IQGAP2: variants seen among roughly 807,000 people sequenced by gnomAD.
The protein encoded by IQGAP2 is ras GTPase-activating-like protein IQGAP2.
Under a neutral mutation model 201.3 loss-of-function variants are expected in IQGAP2, and 173 were observed. That is an observed-to-expected ratio of 0.86 (90% CI 0.76 to 0.98). The LOEUF (loss-of-function observed/expected upper bound fraction) is 0.98, where lower values mean the gene tolerates loss of function less well. Among genes scored for constraint, IQGAP2 ranks in the 50% least tolerant of loss-of-function variants. The probability of loss-of-function intolerance (pLI) is 0.00; values close to 1 mark genes in which losing one functional copy is unlikely to be tolerated. For synonymous variants in IQGAP2, 675 were observed against 673.9 expected, an observed-to-expected ratio of 1.00 and a Z score of -0.03; for missense variants, 1,687 against 1,864.8, an observed-to-expected ratio of 0.90 and a Z score of 1.76.
At chr5:76,499,062 A>T (rs993233848) in intron 2 of IQGAP2, among the ~76,000 whole-genome samples, 10 of 152,226 alleles carry the variant, frequency 6.6e-5, no homozygotes, top group African/African-American at 2.2e-4. Context: ...GGGATGTGTG[A>T]TGGGCTTCCA....
chr5:76,677,151 C>G, intron 27 of IQGAP2, 67 bp from the exon 28 acceptor site: 1 of 1,449,886 alleles, frequency 6.9e-7, no homozygotes. Flanking sequence ...AATTTCCTAG[C>G]TATTTTGATG....
At chr5:76,470,247 A>G (rs1755030942) in intron 2 of IQGAP2, among the ~76,000 whole-genome samples, 1 of 152,218 alleles carries the variant, frequency 6.6e-6, no homozygotes, top group South Asian at 2.1e-4. Context: ...GATGGAAGCT[A>G]GTCTTTTTGT....
chr5:76,482,647 A>C (rs941037448), intron 2 of IQGAP2, among the ~76,000 whole-genome samples: 1 of 152,222 alleles, frequency 6.6e-6, no homozygotes, highest in African/African-American at 2.4e-5. Flanking sequence ...ACACTGTCCA[A>C]ATTTTATCCA....
chr5:76,590,395 CTTTACTT>C lies in IQGAP2; in HGVS notation c.641-8_641-2del. ...GATAAAAACCTTTTTCTCTCTCTCT[CTTTACTT>C]TTTAGTACATGCTGCAGTTATAGCC... On this transcript the variant is annotated splice_region_variant and splice_polypyrimidine_tract_variant and intron_variant, in intron 7 of 35. Coordinates refer to ENST00000274364, the MANE Select transcript of IQGAP2 (RefSeq NM_006633.5). 1.3e-6 allele frequency: 2 copies of C among 1,575,182 alleles called. No individual in the cohort carries two copies. The highest frequency in any genetic ancestry group is 1.7e-6 in the Non-Finnish European group (2 of 1,160,252).
chr5:76,664,927 C>A (rs377569972), intron 21 of IQGAP2, 99 bp from the exon 22 acceptor site: 17 of 693,900 alleles, frequency 2.4e-5, no homozygotes, highest in East Asian at 1.1e-4. Flanking sequence ...ATGAGGTATG[C>A]CTGTATTTCC....
chr5:76,698,223 T>C (rs1746934876), intron 33 of IQGAP2, 76 bp downstream of exon 33: 10 of 1,173,898 alleles, frequency 8.5e-6, no homozygotes, highest in Non-Finnish European at 1.1e-5. Flanking sequence ...TTCTAGGCAG[T>C]TGGGTTGGGT....
At chr5:76,653,908 A>C (rs1041739258) in intron 18 of IQGAP2, among the ~76,000 whole-genome samples, 6 of 152,202 alleles carry the variant, frequency 3.9e-5, no homozygotes, top group African/African-American at 1.4e-4. Flanking sequence ...GCTTTTATTT[A>C]CTGAGTTTAA....
chr5:76,667,290 C>T (rs934682095), intron 22 of IQGAP2, among the ~76,000 whole-genome samples: 3 of 152,116 alleles, frequency 2.0e-5, no homozygotes, highest in Admixed American at 2.0e-4. Flanking sequence ...AAAATTTCAA[C>T]CAATCATTAT....
At chr5:76,578,359 C>T (rs1054348470) in intron 5 of IQGAP2, among the ~76,000 whole-genome samples, 1 of 151,950 alleles carries the variant, frequency 6.6e-6, no homozygotes, top group South Asian at 2.1e-4. Flanking sequence ...TGTCACCAGG[C>T]TAGAGTGCAG....
chr5:76,618,241 C>T (rs1357330333), intron 13 of IQGAP2: 1 of 1,614,140 alleles, frequency 6.2e-7, no homozygotes, highest in Admixed American at 1.7e-5. Context: ...CAGTTGTTCC[C>T]ATTGAGATGA....
In IQGAP2 at chr5:76,575,743, A is replaced by C. The variant is rs1278987496; in HGVS notation, c.432A>C (p.Arg144Ser). 3.1e-6 allele frequency: 5 copies of C among 1,592,558 alleles called. No individual in the cohort carries two copies. The highest frequency in any genetic ancestry group is 4.3e-6 in the Non-Finnish European group (5 of 1,167,312). Residue 144 changes from arginine (R) to serine (S), a missense_variant, in exon 5 of 36, where the codon AGA (arginine) becomes AGC (serine). Arg to Ser is a moderately radical substitution (Grantham distance 110). Transcript: ENST00000274364. The stretch of plus-strand genomic sequence containing the variant: ...TCTATGATCGGAAAAACATACCAAG[A>C]ATGATATATTGCATTCACGCACTGA... ...TDVYDRKNIP[R>S]MIYCIHALSL...
At chr5:76,547,635 A>G (rs1262989783) in intron 2 of IQGAP2, among the ~76,000 whole-genome samples, 1 of 152,238 alleles carries the variant, frequency 6.6e-6, no homozygotes, top group East Asian at 1.9e-4. Flanking sequence ...ACCAAAATGT[A>G]TGCGTAAGCC....
Position 76,643,437 on chromosome 5 carries a change from G to T in IQGAP2, c.2094+2334G>T, listed in dbSNP as rs577221158. 9.8e-5 allele frequency among the ~76,000 whole-genome samples: 15 copies of T among 152,288 alleles called. No homozygotes were observed. In the South Asian group the frequency reaches 1.9e-3, roughly 19 times the overall value. ...AATATAATGCCCATTTTATTGCAGG[G>T]TGGTGAAGACTGACTGGAATAATTC... On this transcript the variant is annotated intron_variant, in intron 17 of 35. Coordinates refer to ENST00000274364, the MANE Select transcript of IQGAP2 (RefSeq NM_006633.5).
intron 2 of IQGAP2, among the ~76,000 whole-genome samples, chr5:76,522,308 G>A (rs1186561519): frequency 1.3e-5 from 2 of 151,800 alleles, no homozygotes; most frequent in Non-Finnish European, 2.9e-5. Context: ...TCAGCCTCCT[G>A]AGTAGCTGGG....
At chr5:76,510,602 A>G (rs1757903617) in intron 2 of IQGAP2, 1 of 504,174 alleles carries the variant, frequency 2.0e-6, no homozygotes, top group Non-Finnish European at 4.0e-6. Context: ...TGTGCCATCG[A>G]TGTCCTCTAG....
chr5:76,418,927 C>T (rs1751565310), intron 1 of IQGAP2, among the ~76,000 whole-genome samples: 1 of 152,090 alleles, frequency 6.6e-6, no homozygotes, highest in African/African-American at 2.4e-5. Flanking sequence ...ATTACACGTC[C>T]TTGACTATTA....
intron 20 of IQGAP2, among the ~76,000 whole-genome samples, chr5:76,656,403 A>G (rs186229915): frequency 0.011 from 1,615 of 151,900 alleles, 11 homozygotes; most frequent in Non-Finnish European, 0.018. Context: ...GGATGGTCTT[A>G]ATCTCCTGAC....
At chr5:76,578,593 T>C (rs1745625488) in intron 5 of IQGAP2, among the ~76,000 whole-genome samples, 1 of 152,230 alleles carries the variant, frequency 6.6e-6, no homozygotes, top group South Asian at 2.1e-4. Flanking sequence ...ATTACAGGCA[T>C]CAGCCACCAC....
In IQGAP2 at chr5:76,600,839, A is replaced by G; in HGVS notation, c.1099A>G (p.Ile367Val). 6.2e-7 allele frequency: 1 copy of G among 1,614,066 alleles called. No homozygotes were observed. Among genetic ancestry groups the G allele is most frequent in the Non-Finnish European group, 8.5e-7 (1 of 1,179,970 alleles). ...MNYLAHEELL[I>V]AVEMLSAVAL... The stretch of plus-strand genomic sequence containing the variant: ...CTACTTGGCCCACGAGGAGCTTTTG[A>G]TTGCTGTGGAAATGTTGTCTGCTGT... The change falls in exon 11 of 36, where the codon ATT becomes GTT. Residue 367 changes from isoleucine (I) to valine (V), a missense_variant. By Grantham distance (29) the Ile-to-Val change is conservative. Transcript: ENST00000274364.
Sources: allele counts gnomAD v4.1 joint callset (sites outside exome capture counted in the v4.1 genomes callset), GRCh38; gene constraint gnomAD v4.1.1; transcripts MANE v1.5; gene names NCBI Gene and HGNC (gene_info 2026-07-23, HGNC 2026-07-21).